The following PNPLA3 variants were observed in gnomAD, a reference collection of about 807,000 sequenced individuals.
The protein encoded by PNPLA3 is 1-acylglycerol-3-phosphate O-acyltransferase PNPLA3.
PNPLA3 carries 42 observed loss-of-function variants against 43.1 expected under a neutral mutation model. The observed-to-expected ratio is 0.97, with a 90% CI of 0.76 to 1.26. PNPLA3 has a LOEUF of 1.26. Ranked by LOEUF, PNPLA3 falls within the 50% of genes most tolerant of loss-of-function variation. The probability of loss-of-function intolerance (pLI) is 0.00; values close to 1 mark genes in which losing one functional copy is unlikely to be tolerated. For synonymous variants in PNPLA3, 272 were observed against 253.6 expected (o/e 1.07, Z -0.69); for missense variants, 647 against 621.4 (o/e 1.04, Z -0.44).
chr22:43,935,759 G>A (rs185647124), intron 5 of PNPLA3, among the ~76,000 whole-genome samples: 10 of 152,226 alleles, frequency 6.6e-5, no homozygotes, highest in Middle Eastern at 3.4e-3. Flanking sequence ...GGTGAAAAAT[G>A]GGAGAGGAGG....
At chr22:43,940,313 A>G (rs2050023177) in intron 7 of PNPLA3, among the ~76,000 whole-genome samples, 188 bp downstream of exon 7, 1 of 152,176 alleles carries the variant, frequency 6.6e-6, no homozygotes, top group African/African-American at 2.4e-5. Flanking sequence ...CCTGTAACTC[A>G]GTGCAAGCCC....
chr22:43,927,257 G>C, intron 2 of PNPLA3, 90 bp downstream of exon 2: 1 of 1,239,046 alleles, frequency 8.1e-7, no homozygotes, highest in Non-Finnish European at 1.2e-6. Flanking sequence ...CCGGCACTTT[G>C]GGAGGCCGAA....
chr22:43,934,564 G>T, intron 4 of PNPLA3, 42 bp from the exon 5 acceptor site: 2 of 1,544,028 alleles, frequency 1.3e-6, no homozygotes, highest in Non-Finnish European at 1.8e-6. Context: ...AATGGTGCTT[G>T]GTGTCTCCCT....
At chr22:43,943,493 C>T (rs1036879985) in intron 7 of PNPLA3, among the ~76,000 whole-genome samples, 2 of 152,158 alleles carry the variant, frequency 1.3e-5, no homozygotes, top group African/African-American at 4.8e-5. Flanking sequence ...ACGCTGGCTC[C>T]CCGTGCTCTG....
At chr22:43,934,467 C>T (rs1252412307) in intron 4 of PNPLA3, 139 bp from the exon 5 acceptor site, 4 of 785,538 alleles carry the variant, frequency 5.1e-6, no homozygotes, top group East Asian at 2.6e-5. Flanking sequence ...TGCTCAGCCC[C>T]CAGGTGGCTC....
At chr22:43,927,388 A>G (rs2049931194) in intron 2 of PNPLA3, among the ~76,000 whole-genome samples, 1 of 151,588 alleles carries the variant, frequency 6.6e-6, no homozygotes, top group Non-Finnish European at 1.5e-5. Context: ...GCTACTAGGG[A>G]GGCTGAGGCA....
intron 3 of PNPLA3, 130 bp downstream of exon 3, chr22:43,929,019 G>A: frequency 1.1e-6 from 1 of 946,194 alleles, no homozygotes; most frequent in Non-Finnish European, 1.7e-6. Flanking sequence ...ATGCCTCACT[G>A]CCTTTCAGAC....
At chr22:43,938,754 C>T (rs991741499) in intron 6 of PNPLA3, among the ~76,000 whole-genome samples, 9 of 152,116 alleles carry the variant, frequency 5.9e-5, no homozygotes, top group East Asian at 1.9e-4. Flanking sequence ...CAGATTAATA[C>T]GATTTGAGGC....
chr22:43,937,168 T>C lies in PNPLA3; in HGVS notation c.875T>C (p.Leu292Ser), dbSNP rs1290120164. Residue 292 changes from leucine to serine, a missense_variant, in exon 6 of 9, where the codon TTG (leucine) becomes TCG (serine). By Grantham distance (145) the Leu-to-Ser change is moderately radical (BLOSUM62 -2). Transcript: ENST00000216180. The part of the protein sequence containing the change: ...SLDSSPESAA[L>S]AVRLEGDELL... The stretch of plus-strand genomic sequence containing the variant: ...GATTCTTCCCCGGAGTCGGCTGCCT[T>C]GGCTGTGAGGCTGGAGGGAGATGAG... 2 of 1,614,074 alleles carry C rather than the reference T, an allele frequency of 1.2e-6. No individual in the cohort carries two copies. Among genetic ancestry groups the C allele is most frequent in the Non-Finnish European group, 1.7e-6 (2 of 1,180,042 alleles).
chr22:43,937,998 A>G (rs2050006770), intron 6 of PNPLA3, among the ~76,000 whole-genome samples: 1 of 152,158 alleles, frequency 6.6e-6, no homozygotes, highest in Non-Finnish European at 1.5e-5. Flanking sequence ...CTTATTAAAC[A>G]GACCCAAGAG....
At chr22:43,930,724 G>T (rs569141745) in intron 3 of PNPLA3, among the ~76,000 whole-genome samples, 2 of 152,338 alleles carry the variant, frequency 1.3e-5, no homozygotes, top group South Asian at 4.1e-4. Flanking sequence ...GCCATGCCAG[G>T]GGGATGGAGA....
At chr22:43,946,092 C>G in intron 8 of PNPLA3, 62 bp from the exon 9 acceptor site, 3 of 1,514,414 alleles carry the variant, frequency 2.0e-6, no homozygotes, top group South Asian at 2.3e-5. Context: ...TCCACCGTAG[C>G]TCAGACTGCA....
intron 1 of PNPLA3, among the ~76,000 whole-genome samples, chr22:43,924,724 T>C (rs2049910521): frequency 6.6e-6 from 1 of 151,484 alleles, no homozygotes; most frequent in Non-Finnish European, 1.5e-5. Flanking sequence ...CTCAACTCAC[T>C]GCAAGCTCCA....
At chr22:43,936,986 A>G in intron 5 of PNPLA3, 65 bp from the exon 6 acceptor site, 1 of 1,350,320 alleles carries the variant, frequency 7.4e-7, no homozygotes, top group Non-Finnish European at 1.0e-6. Flanking sequence ...AGTTTGGTAG[A>G]TGGGTGGGTA....
At chr22:43,934,774 C>A in intron 5 of PNPLA3, 108 bp downstream of exon 5, 1 of 1,038,776 alleles carries the variant, frequency 9.6e-7, no homozygotes, top group Non-Finnish European at 1.5e-6. Context: ...TGCCCAACGC[C>A]TTCCTTGTGT....
chr22:43,925,785 T>C (rs1165831791), intron 1 of PNPLA3, among the ~76,000 whole-genome samples: 2 of 152,222 alleles, frequency 1.3e-5, no homozygotes, highest in Non-Finnish European at 2.9e-5. Flanking sequence ...AAAAGTCAGC[T>C]TTTTTGTATC....
At chr22:43,930,479 G>C (rs1483235748) in intron 3 of PNPLA3, among the ~76,000 whole-genome samples, 1 of 152,154 alleles carries the variant, frequency 6.6e-6, no homozygotes, top group Non-Finnish European at 1.5e-5. Flanking sequence ...TGTTATGCTG[G>C]TGGCTTTATG....
intron 7 of PNPLA3, among the ~76,000 whole-genome samples, chr22:43,941,712 G>C (rs1312526297): frequency 6.6e-6 from 1 of 152,148 alleles, no homozygotes; most frequent in African/African-American, 2.4e-5. Flanking sequence ...ACTTCTCTGA[G>C]CCTCAGCGGT....
intron 3 of PNPLA3, among the ~76,000 whole-genome samples, chr22:43,931,048 A>AC (rs1313858624): frequency 2.0e-5 from 3 of 151,856 alleles, no homozygotes; most frequent in African/African-American, 7.3e-5. Context: ...AATGGTGTGA[A>AC]CCCGGGGGGC....
Sources: allele counts gnomAD v4.1 joint callset (sites outside exome capture counted in the v4.1 genomes callset), GRCh38; gene constraint gnomAD v4.1.1; transcripts MANE v1.5; gene names NCBI Gene and HGNC (gene_info 2026-07-23, HGNC 2026-07-21).